NBR1: variants seen among roughly 807,000 people sequenced by gnomAD.
NBR1 encodes NBR1 autophagy cargo receptor.
In NBR1, 59 loss-of-function variants were observed where a neutral mutation model predicts 115.5. That is an observed-to-expected ratio of 0.51 (90% CI 0.41 to 0.63). The LOEUF (loss-of-function observed/expected upper bound fraction) is 0.63, where lower values mean the gene tolerates loss of function less well. Ranked by LOEUF, NBR1 falls within the 30% of genes least tolerant of loss-of-function variation. NBR1 has a pLI of 0.00. For synonymous variants in NBR1, 373 were observed against 414.7 expected (o/e 0.90, Z 1.22); for missense variants, 1,043 against 1,150.5 (o/e 0.91, Z 1.35).
At chr17:43,194,236 T>C (rs1192144167) in intron 12 of NBR1, 114 bp from the exon 13 acceptor site, 9 of 977,578 alleles carry the variant, frequency 9.2e-6, no homozygotes, top group South Asian at 7.2e-5. Context: ...ATCAAAAACA[T>C]TGTTTTTTAA....
chr17:43,209,354 G>A (rs568006393), intron 20 of NBR1, among the ~76,000 whole-genome samples: 5 of 152,174 alleles, frequency 3.3e-5, no homozygotes, highest in African/African-American at 1.2e-4. Context: ...GGGATTACAG[G>A]TGTGAGCCAC....
intron 1 of NBR1, among the ~76,000 whole-genome samples, chr17:43,172,178 A>G (rs1243952323): frequency 6.6e-6 from 1 of 152,236 alleles, no homozygotes; most frequent in African/African-American, 2.4e-5. Flanking sequence ...ATCTGACTCT[A>G]CTGGCTGTAG....
chr17:43,196,646 C>G, intron 15 of NBR1, 55 bp downstream of exon 15: 1 of 1,292,398 alleles, frequency 7.7e-7, no homozygotes, highest in Non-Finnish European at 1.1e-6. Context: ...ATATCATACC[C>G]TATTTTACAG....
In NBR1 at chr17:43,210,156, G is replaced by A. The variant is rs879379918; in HGVS notation, c.*82G>A. ...ATTGGGGTATGGGATAGAAGCCCTT[G>A]CTTATTTTTAATCTGATGAATCTGT... On this transcript the variant is annotated 3_prime_UTR_variant, in exon 21 of 21. Coordinates refer to ENST00000590996, the MANE Select transcript of NBR1 (RefSeq NM_005899.5). 2.6e-5 allele frequency: 36 copies of A among 1,364,008 alleles called. No individual in the cohort carries two copies. The highest frequency in any genetic ancestry group is 3.4e-5 in the Non-Finnish European group (34 of 1,005,754). 84.5% of individuals were successfully genotyped at this position (1,364,008 alleles called of 1,614,324 possible).
Position 43,189,671 on chromosome 17 carries a change from G to A in NBR1, c.564G>A (p.Leu188=). The A allele has an allele frequency of 6.2e-7, 1 of 1,613,926 alleles. No homozygotes were observed. The highest frequency in any genetic ancestry group is 8.5e-7 in the Non-Finnish European group (1 of 1,179,862). The change falls in exon 8 of 21, where the codon TTG becomes TTA. Residue 188 remains leucine (L), a synonymous_variant. Coordinates refer to ENST00000590996, the MANE Select transcript of NBR1 (RefSeq NM_005899.5). ...HEKLVLQNPS[L]GSCPSEVSMP... ...AGCTTGTCCTCCAGAACCCATCCTT[G>A]GGTTCTTGTCCCTCAGAAGTCTCAA...
chr17:43,210,409 C>G lies in NBR1; in HGVS notation c.*335C>G, dbSNP rs933723149. The G allele has an allele frequency of 5.3e-5, 21 of 395,692 alleles. No homozygotes were observed. The highest frequency in any genetic ancestry group is 8.4e-5 in the Non-Finnish European group (19 of 225,012). 24.5% of individuals were successfully genotyped at this position (395,692 alleles called of 1,614,324 possible). A position where few individuals can be genotyped will look rare whatever the true frequency, so the allele number is the denominator to read the frequency against. ...ATTGAAACTGAGTATTTTTCTTTGG[C>G]TAATGTGGATTTTTTATGGGGATAT... On this transcript the variant is annotated 3_prime_UTR_variant, in exon 21 of 21. Coordinates refer to ENST00000590996, the MANE Select transcript of NBR1 (RefSeq NM_005899.5).
intron 5 of NBR1, among the ~76,000 whole-genome samples, chr17:43,182,564 G>A (rs1290057358): frequency 1.3e-5 from 2 of 151,196 alleles, no homozygotes; most frequent in African/African-American, 4.9e-5. Context: ...TTATGTTTAA[G>A]GCAGAGATGA....
intron 5 of NBR1, among the ~76,000 whole-genome samples, chr17:43,181,767 C>G (rs1265099529): frequency 1.3e-5 from 2 of 152,078 alleles, no homozygotes; most frequent in African/African-American, 4.8e-5. Flanking sequence ...GGCGGATCAC[C>G]CAAGGTCAGC....
intron 16 of NBR1, among the ~76,000 whole-genome samples, chr17:43,198,650 TA>T (rs568527478): frequency 1.7e-3 from 234 of 140,550 alleles, no homozygotes; most frequent in Non-Finnish European, 1.6e-3. Context: ...AGACTCCGTC[TA>T]AAAAAAAAAA....
intron 11 of NBR1, 41 bp from the exon 12 acceptor site, chr17:43,193,307 C>G (rs1398330724): frequency 2.5e-6 from 4 of 1,612,506 alleles, no homozygotes; most frequent in Non-Finnish European, 2.5e-6. Context: ...GCAGAGTGCT[C>G]AGCTGACAAG....
intron 5 of NBR1, among the ~76,000 whole-genome samples, chr17:43,185,195 G>A (rs2056771621): frequency 6.6e-6 from 1 of 151,044 alleles, no homozygotes; most frequent in Non-Finnish European, 1.5e-5. Flanking sequence ...GTTTGTTTTT[G>A]TGGAATAAAG....
chr17:43,193,303 T>G (rs959351637), intron 11 of NBR1, 45 bp from the exon 12 acceptor site: 1 of 1,612,608 alleles, frequency 6.2e-7, no homozygotes, highest in South Asian at 1.1e-5. Flanking sequence ...AGTGGCAGAG[T>G]GCTCAGCTGA....
rs757795311 is a variant in NBR1, at chr17:43,203,725, C to G, written c.2666C>G (p.Ala889Gly). ...SSIAGGLVKG[A>G]LSVAASAYKA... ...ATTGCTGGAGGACTGGTGAAGGGGGCTTTGTCTGTTGCTGCCTCTGCATAC... is the reference window on the plus strand; with the variant it reads ...ATTGCTGGAGGACTGGTGAAGGGGGGTTTGTCTGTTGCTGCCTCTGCATAC... Residue 889 changes from alanine to glycine, a missense_variant, in exon 20 of 21, where the codon GCT (alanine) becomes GGT (glycine). Physicochemically the swap from Ala to Gly is moderately conservative, Grantham distance 60. Transcript: ENST00000590996. 6.2e-7 allele frequency: 1 copy of G among 1,610,488 alleles called. No individual in the cohort carries two copies. The highest frequency in any genetic ancestry group is 1.1e-5 in the South Asian group (1 of 90,126).
intron 19 of NBR1, among the ~76,000 whole-genome samples, chr17:43,203,277 G>T (rs754670129): frequency 6.6e-6 from 1 of 152,114 alleles, no homozygotes; most frequent in Non-Finnish European, 1.5e-5. Context: ...TTTTTTCTTG[G>T]ACATACCTGG....
Position 43,186,252 on chromosome 17 carries a change from GGCAGTTAAACAGGGAAACCAACTGCAGAT to G in NBR1, c.214_242del (p.Val72SerfsTer9), listed in dbSNP as rs1247598076. On this transcript the variant is annotated frameshift_variant, in exon 6 of 21. Transcript: ENST00000590996. LOFTEE classifies it high-confidence loss of function. ...TGTTTCATAATGTATGCTCTTAGAT[GGCAGTTAAACAGGGAAACCAACTGCAGAT>G]GCAAGTCCACGAAGGGCACCATGTC... is the stretch of plus-strand genomic sequence containing the variant. 4.5e-6 allele frequency: 7 copies of G among 1,566,468 alleles called. No homozygotes were observed. The highest frequency in any genetic ancestry group is 6.1e-6 in the Non-Finnish European group (7 of 1,156,240).
At chr17:43,197,150 A>C (rs1261675311) in intron 16 of NBR1, 44 bp downstream of exon 16, 1 of 1,572,800 alleles carries the variant, frequency 6.4e-7, no homozygotes, top group Non-Finnish European at 8.7e-7. Context: ...GTGGCACCTG[A>C]ATTGTGACTG....
At chr17:43,189,484 T>C in intron 7 of NBR1, 104 bp from the exon 8 acceptor site, 2 of 764,668 alleles carry the variant, frequency 2.6e-6, no homozygotes, top group Non-Finnish European at 4.4e-6. Flanking sequence ...ATTGTGTTTT[T>C]GTATTATACC....
At chr17:43,196,660 T>C in intron 15 of NBR1, 69 bp downstream of exon 15, 1 of 1,191,728 alleles carries the variant, frequency 8.4e-7, no homozygotes, top group African/African-American at 1.5e-5. Context: ...TTTACAGCTA[T>C]CCCCTACTGA....
chr17:43,192,430 G>A lies in NBR1; in HGVS notation c.1074-664G>A, dbSNP rs184545051. On this transcript the variant is annotated intron_variant, in intron 10 of 20. Transcript: ENST00000590996. The stretch of plus-strand genomic sequence containing the variant: ...GTTGCCCAGGCTGGAGTGCAGTGGC[G>A]CGATCTCGGCTCACTGCAAGCTCCA... 2.9e-3 allele frequency among the ~76,000 whole-genome samples: 442 copies of A among 151,162 alleles called. 6 individuals are homozygous for A. Among genetic ancestry groups the A allele is most frequent in the Non-Finnish European group, 2.2e-3 (151 of 67,778 alleles).
Sources: gnomAD v4.1 joint callset for allele counts (sites outside exome capture counted in the v4.1 genomes callset) on GRCh38, gnomAD v4.1.1 for gene constraint, MANE v1.5 for transcripts, NCBI Gene and HGNC (gene_info 2026-07-23, HGNC 2026-07-21) for gene names.